Variants in ZFAND3 observed in about 807,000 individuals in gnomAD.
ZFAND3 encodes the protein zinc finger AN1-type containing 3.
A neutral mutation model predicts 29.6 loss-of-function variants in ZFAND3; 10 were observed. The observed-to-expected ratio is 0.34, with a 90% CI of 0.21 to 0.57. ZFAND3 has a LOEUF of 0.57. Ranked by LOEUF, ZFAND3 falls within the 20% of genes least tolerant of loss-of-function variation. ZFAND3 has a pLI of 0.86. For missense variants in ZFAND3, 230 were observed against 304.5 expected, an observed-to-expected ratio of 0.76 and a Z score of 1.82; for synonymous variants, 128 against 112.6, an observed-to-expected ratio of 1.14 and a Z score of -0.87.
intron 3 of ZFAND3, among the ~76,000 whole-genome samples, chr6:38,075,329 G>A (rs987103505): frequency 1.3e-5 from 2 of 152,186 alleles, no homozygotes; most frequent in Non-Finnish European, 2.9e-5. Flanking sequence ...ATTAACAGAA[G>A]TTTGGAAGAA....
intron 5 of ZFAND3, among the ~76,000 whole-genome samples, chr6:38,131,950 C>G (rs1276299180): frequency 6.6e-6 from 1 of 152,192 alleles, no homozygotes; most frequent in Non-Finnish European, 1.5e-5. Context: ...GTCCAGGGTA[C>G]ATGTGCAGCC....
chr6:38,016,134 A>T (rs575930954), intron 2 of ZFAND3, among the ~76,000 whole-genome samples: 18 of 152,298 alleles, frequency 1.2e-4, no homozygotes, highest in Admixed American at 3.9e-4. Context: ...TTTGGAGTCA[A>T]ATATACCTGG....
intron 1 of ZFAND3, among the ~76,000 whole-genome samples, chr6:37,854,686 T>C (rs963048087): frequency 6.6e-5 from 10 of 151,792 alleles, no homozygotes; most frequent in African/African-American, 2.4e-4. Flanking sequence ...TTATCTGAAA[T>C]CAGGCAACCA....
chr6:37,855,823 G>A (rs1359890739), intron 1 of ZFAND3, among the ~76,000 whole-genome samples: 1 of 152,042 alleles, frequency 6.6e-6, no homozygotes, highest in Non-Finnish European at 1.5e-5. Context: ...GGATTAACTA[G>A]GAAGAATTTT....
intron 5 of ZFAND3, among the ~76,000 whole-genome samples, chr6:38,144,211 A>ATTATATATATATATATATATATATATAT (rs70981524): frequency 8.7e-5 from 4 of 45,878 alleles, no homozygotes; most frequent in Non-Finnish European, 1.6e-4. Context: ...ATATATATAT[A>ATTATATATATATATATATATATATATAT]ATATATAATA....
At chr6:38,097,248 C>CTTTTTTT (rs1491155525) in intron 4 of ZFAND3, among the ~76,000 whole-genome samples, 2 of 124,048 alleles carry the variant, frequency 1.6e-5, no homozygotes, top group African/African-American at 6.0e-5. Flanking sequence ...GTTAATTTTT[C>CTTTTTTT]ATTTTTTTTT....
At chr6:37,934,681 A>G in intron 2 of ZFAND3, among the ~76,000 whole-genome samples, 1 of 151,906 alleles carries the variant, frequency 6.6e-6, no homozygotes. Flanking sequence ...TACTAAAAAT[A>G]CAAAAAAATT....
intron 1 of ZFAND3, among the ~76,000 whole-genome samples, chr6:37,867,428 A>G (rs373351397): frequency 9.8e-5 from 15 of 152,292 alleles, no homozygotes; most frequent in African/African-American, 2.6e-4. Context: ...TTAGAAATAC[A>G]TCTTCAAATT....
In ZFAND3 at chr6:37,967,040, TTGAC is replaced by T. The variant is rs1427063643; in HGVS notation, c.112+37045_112+37048del. Among the ~76,000 whole-genome samples, 7 of 152,228 alleles carry T rather than the reference TTGAC, an allele frequency of 4.6e-5. 1 individual carries two copies. The highest frequency in any genetic ancestry group is 4.1e-4 in the South Asian group (2 of 4,834). ...TTGTTACAGGGCATACATTTTCAGT[TTGAC>T]TGATGACTAATGATGACCTCTCTAA... On this transcript the variant is annotated intron_variant, in intron 2 of 5. Transcript: ENST00000287218.
chr6:37,825,471 C>A (rs1395486258), intron 1 of ZFAND3, among the ~76,000 whole-genome samples: 1 of 152,016 alleles, frequency 6.6e-6, no homozygotes, highest in Non-Finnish European at 1.5e-5. Flanking sequence ...TTGGGGGATT[C>A]AGAAAATAGG....
intron 5 of ZFAND3, among the ~76,000 whole-genome samples, chr6:38,125,066 A>T (rs755680511): frequency 6.6e-6 from 1 of 152,212 alleles, no homozygotes; most frequent in Non-Finnish European, 1.5e-5. Context: ...AAGTTCCACA[A>T]CCTTTTGATG....
chr6:38,058,850 A>G (rs1411750764), intron 2 of ZFAND3, among the ~76,000 whole-genome samples: 2 of 152,250 alleles, frequency 1.3e-5, no homozygotes, highest in Admixed American at 6.5e-5. Flanking sequence ...GATGATTAAC[A>G]TAAATACGTT....
chr6:37,947,030 C>A (rs773391898), intron 2 of ZFAND3, among the ~76,000 whole-genome samples: 1 of 152,108 alleles, frequency 6.6e-6, no homozygotes, highest in Non-Finnish European at 1.5e-5. Context: ...TGGAACTGTA[C>A]GATTAAAAAC....
intron 2 of ZFAND3, among the ~76,000 whole-genome samples, chr6:37,996,825 G>A (rs770026605): frequency 6.6e-6 from 1 of 151,722 alleles, no homozygotes; most frequent in Non-Finnish European, 1.5e-5. Context: ...TTTCTATTTT[G>A]TTTTCCAATT....
intron 2 of ZFAND3, among the ~76,000 whole-genome samples, chr6:38,000,125 A>G (rs1432725084): frequency 6.6e-6 from 1 of 152,184 alleles, no homozygotes; most frequent in Non-Finnish European, 1.5e-5. Context: ...ACAATTTTTA[A>G]AAAAATAAAA....
At chr6:37,861,811 T>C (rs1764496939) in intron 1 of ZFAND3, among the ~76,000 whole-genome samples, 1 of 152,246 alleles carries the variant, frequency 6.6e-6, no homozygotes, top group Non-Finnish European at 1.5e-5. Flanking sequence ...TTTTAAGCAT[T>C]ACATATGGAT....
At chr6:37,946,028 T>A (rs1232228524) in intron 2 of ZFAND3, among the ~76,000 whole-genome samples, 1 of 152,190 alleles carries the variant, frequency 6.6e-6, no homozygotes, top group Non-Finnish European at 1.5e-5. Flanking sequence ...CTTAAAGGGT[T>A]GGTGTGGTTT....
At chr6:38,040,158 C>T (rs1763732309) in intron 2 of ZFAND3, among the ~76,000 whole-genome samples, 1 of 152,104 alleles carries the variant, frequency 6.6e-6, no homozygotes, top group Non-Finnish European at 1.5e-5. Flanking sequence ...ATACCTGCCT[C>T]AGCTCTTAAA....
At position 37,819,893 on chromosome 6, in the gene ZFAND3, G is replaced by A. The variant is rs1014788860; in HGVS notation, c.-53G>A. On this transcript the variant is annotated 5_prime_UTR_variant, in exon 1 of 6. Transcript: ENST00000287218. ...CACCGCCTCCTCAGAGCGGGGCCCG[G>A]GCCCAGCCGCCGCCACCGCTGCCGC... The A allele has an allele frequency of 2.7e-5, 31 of 1,144,488 alleles. No homozygotes were observed. The highest frequency in any genetic ancestry group is 3.4e-5 in the Non-Finnish European group (31 of 925,234). The allele number at this position is 1,144,488 out of a possible 1,614,324, so 70.9% of individuals were successfully genotyped here.
Sources: allele counts gnomAD v4.1 joint callset (sites outside exome capture counted in the v4.1 genomes callset), GRCh38; gene constraint gnomAD v4.1.1; transcripts MANE v1.5; gene names NCBI Gene and HGNC (gene_info 2026-07-23, HGNC 2026-07-21).